ZMAT4: variants seen among roughly 807,000 people sequenced by gnomAD.
The protein encoded by ZMAT4 is zinc finger matrin-type 4.
ZMAT4 carries 17 observed loss-of-function variants against 28.7 expected under a neutral mutation model. The observed-to-expected ratio is 0.59, with a 90% CI of 0.41 to 0.89. ZMAT4 has a LOEUF of 0.89. Ranked by LOEUF, ZMAT4 falls within the 40% of genes least tolerant of loss-of-function variation. ZMAT4 has a pLI of 0.00. For synonymous variants in ZMAT4, 117 were observed against 109.2 expected (o/e 1.07, Z -0.44); for missense variants, 240 against 283.8 (o/e 0.85, Z 1.11).
intron 3 of ZMAT4, among the ~76,000 whole-genome samples, chr8:40,707,473 G>A (rs937936290): frequency 4.6e-5 from 7 of 152,036 alleles, no homozygotes; most frequent in African/African-American, 1.2e-4. Flanking sequence ...CTGTCACATG[G>A]GGAGTAAAAC....
chr8:40,563,597 G>A (rs1012062288), intron 6 of ZMAT4, among the ~76,000 whole-genome samples: 3 of 152,008 alleles, frequency 2.0e-5, no homozygotes, highest in Admixed American at 6.6e-5. Flanking sequence ...AAACAATTTT[G>A]AAATGAAAAA....
At chr8:40,564,780 T>G (rs1191695093) in intron 6 of ZMAT4, among the ~76,000 whole-genome samples, 1 of 152,156 alleles carries the variant, frequency 6.6e-6, no homozygotes, top group Non-Finnish European at 1.5e-5. Context: ...CAACCCTAAT[T>G]AAACAGTTGA....
Position 40,756,455 on chromosome 8 carries a change from T to TATATATAC in ZMAT4, c.192+11185_192+11186insGTATATAT, listed in dbSNP as rs1171649512. 2.4e-5 allele frequency among the ~76,000 whole-genome samples: 3 copies of TATATATAC among 122,654 alleles called. 1 individual carries two copies. Among genetic ancestry groups the TATATATAC allele is most frequent in the Non-Finnish European group, 5.3e-5 (3 of 56,740 alleles). 80.5% of individuals were successfully genotyped at this position (122,654 alleles called of 152,430 possible). A position where few individuals can be genotyped will look rare whatever the true frequency, so the allele number is the denominator to read the frequency against. On this transcript the variant is annotated intron_variant, in intron 3 of 6. Coordinates refer to ENST00000297737, the MANE Select transcript of ZMAT4 (RefSeq NM_024645.3). ...ATATATATATATATATATATATATA[T>TATATATAC]ATACACACTTGTATACCTGAAAAAG...
chr8:40,859,525 G>T (rs1817416630), intron 1 of ZMAT4, among the ~76,000 whole-genome samples: 2 of 152,100 alleles, frequency 1.3e-5, no homozygotes, highest in Non-Finnish European at 2.9e-5. Context: ...CGGACAAGGG[G>T]AATTACAGGC....
At chr8:40,692,875 A>G (rs559429209) in intron 4 of ZMAT4, among the ~76,000 whole-genome samples, 1 of 152,168 alleles carries the variant, frequency 6.6e-6, no homozygotes, top group South Asian at 2.1e-4. Context: ...GCTGATATGG[A>G]TTTATCATAA....
chr8:40,719,864 G>A (rs1258111256), intron 3 of ZMAT4, among the ~76,000 whole-genome samples: 2 of 152,154 alleles, frequency 1.3e-5, no homozygotes, highest in African/African-American at 4.8e-5. Context: ...GAGCCACCAT[G>A]CCCAGCCCAT....
At position 40,672,400 on chromosome 8, in the gene ZMAT4, G is replaced by A. The variant is rs530345006; in HGVS notation, c.577+2304C>T. Among the ~76,000 whole-genome samples the A allele has an allele frequency of 1.6e-4, 24 of 152,258 alleles. No homozygotes were observed. In the East Asian group the frequency reaches 4.6e-3, roughly 29 times the overall value. On this transcript the variant is annotated intron_variant, in intron 5 of 6. Transcript: ENST00000297737. ...TAAGCTTTTGCAATATTTAATGCTT[G>A]AATAAATATCTATCAGGATATCACC...
In ZMAT4 at chr8:40,640,319, G is replaced by A. The variant is rs553130648; in HGVS notation, c.577+34385C>T. Among the ~76,000 whole-genome samples the A allele has an allele frequency of 6.4e-4, 98 of 152,286 alleles. 3 individuals carry two copies. In the South Asian group the frequency reaches 0.02, roughly 31 times the overall value. ...TGTTCTGGATGACTTTGCAGAGGATGTGAAGGCTAGAATGGTAGCTCAGCA... is the reference window on the plus strand; with the variant it reads ...TGTTCTGGATGACTTTGCAGAGGATATGAAGGCTAGAATGGTAGCTCAGCA... On this transcript the variant is annotated intron_variant, in intron 5 of 6. Coordinates refer to ENST00000297737, the MANE Select transcript of ZMAT4 (RefSeq NM_024645.3).
intron 1 of ZMAT4, among the ~76,000 whole-genome samples, chr8:40,832,832 G>T (rs1469588911): frequency 6.6e-6 from 1 of 152,198 alleles, no homozygotes; most frequent in Non-Finnish European, 1.5e-5. Flanking sequence ...TAAAACAAAG[G>T]AGAGGGGCTA....
chr8:40,855,006 T>C (rs1817245556), intron 1 of ZMAT4, among the ~76,000 whole-genome samples: 1 of 152,126 alleles, frequency 6.6e-6, no homozygotes, highest in Non-Finnish European at 1.5e-5. Context: ...AGGTAGGGCA[T>C]TTTTGAGATG....
chr8:40,693,172 A>T (rs1809728660), intron 4 of ZMAT4, among the ~76,000 whole-genome samples: 1 of 152,200 alleles, frequency 6.6e-6, no homozygotes, highest in Non-Finnish European at 1.5e-5. Flanking sequence ...GCTGGAGTGC[A>T]GTGGTGCAAC....
chr8:40,863,994 T>C (rs567368735), intron 1 of ZMAT4, among the ~76,000 whole-genome samples: 37 of 152,364 alleles, frequency 2.4e-4, no homozygotes, highest in Non-Finnish European at 1.8e-4. Context: ...GTATCTCCTG[T>C]GCCTCACATG....
At chr8:40,872,376 A>T (rs1037027532) in intron 1 of ZMAT4, among the ~76,000 whole-genome samples, 11 of 152,156 alleles carry the variant, frequency 7.2e-5, no homozygotes, top group African/African-American at 2.7e-4. Flanking sequence ...ATGTCACAGG[A>T]TGTGGCTGTT....
chr8:40,756,448 A>G (rs868248995), intron 3 of ZMAT4, among the ~76,000 whole-genome samples: 33 of 127,880 alleles, frequency 2.6e-4, no homozygotes, highest in African/African-American at 9.7e-4. Flanking sequence ...ATATATATAT[A>G]TATATATATA....
intron 3 of ZMAT4, among the ~76,000 whole-genome samples, chr8:40,713,921 C>CAAAAAAAAAAAAAAAAAAAAAAAAAA (rs532317102): frequency 1.2e-4 from 6 of 49,960 alleles, no homozygotes; most frequent in African/African-American, 2.7e-4. Flanking sequence ...AAAACAAAAC[C>CAAAAAAAAAAAAAAAAAAAAAAAAAA]AAAAAAAAAA....
rs184629785 is a variant in ZMAT4, at chr8:40,532,403, A to G, written c.675-165T>C. Among the ~76,000 whole-genome samples, 295 of 56,094 alleles carry G rather than the reference A, an allele frequency of 5.3e-3. 2 individuals carry two copies. Among genetic ancestry groups the G allele is most frequent in the African/African-American group, 0.03 (278 of 9,146 alleles). The allele number at this position is 56,094 out of a possible 152,430, so 36.8% of individuals were successfully genotyped here. A position where few individuals can be genotyped will look rare whatever the true frequency, so the allele number is the denominator to read the frequency against. ...AAGTTAATCTTTCAGGTTCTAAATAACCTGTATATATAAAATATCTCCATT... is the reference window on the plus strand; with the variant it reads ...AAGTTAATCTTTCAGGTTCTAAATAGCCTGTATATATAAAATATCTCCATT... On this transcript the variant is annotated intron_variant, in intron 6 of 6. Transcript: ENST00000297737.
intron 1 of ZMAT4, among the ~76,000 whole-genome samples, chr8:40,882,424 C>T (rs147859179): frequency 6.6e-6 from 1 of 152,238 alleles, no homozygotes; most frequent in East Asian, 1.9e-4. Context: ...ACGCAAAAAC[C>T]CTGGCCGGCA....
intron 5 of ZMAT4, among the ~76,000 whole-genome samples, chr8:40,605,325 A>G (rs1287352686): frequency 6.6e-6 from 1 of 152,128 alleles, no homozygotes; most frequent in East Asian, 1.9e-4. Flanking sequence ...TAATGCTAGA[A>G]ACTTTCCTCT....
intron 3 of ZMAT4, 34 bp from the exon 4 acceptor site, chr8:40,697,435 G>A: frequency 1.3e-6 from 2 of 1,481,708 alleles, no homozygotes; most frequent in East Asian, 2.5e-5. Flanking sequence ...ACGTGTGAGA[G>A]AAACCCATTC....
Sources: allele counts gnomAD v4.1 joint callset (sites outside exome capture counted in the v4.1 genomes callset), GRCh38; gene constraint gnomAD v4.1.1; transcripts MANE v1.5; gene names NCBI Gene and HGNC (gene_info 2026-07-23, HGNC 2026-07-21).